SMAP1: variants seen among roughly 807,000 people sequenced by gnomAD.
SMAP1 encodes stromal membrane-associated protein 1.
A neutral mutation model predicts 58.5 loss-of-function variants in SMAP1; 24 were observed. The ratio of observed to expected loss-of-function variants is 0.41; its 90% CI spans 0.30 to 0.58. The LOEUF (loss-of-function observed/expected upper bound fraction) is 0.58. Ranked by LOEUF, SMAP1 falls within the 20% of genes least tolerant of loss-of-function variation. The probability of loss-of-function intolerance (pLI) is 0.29; values close to 1 mark genes in which losing one functional copy is unlikely to be tolerated. For synonymous variants in SMAP1, 216 were observed against 196.6 expected (o/e 1.10, Z -0.82); for missense variants, 563 against 566.3 (o/e 0.99, Z 0.06).
At chr6:70,762,255 T>G (rs1033638330) in intron 3 of SMAP1, among the ~76,000 whole-genome samples, 2 of 152,180 alleles carry the variant, frequency 1.3e-5, no homozygotes, top group Admixed American at 6.5e-5. Flanking sequence ...TGCCTGTTTT[T>G]GTAAATAAGG....
At chr6:70,693,298 CT>C (rs55693339) in intron 1 of SMAP1, among the ~76,000 whole-genome samples, 8,494 of 109,174 alleles carry the variant, frequency 0.078, 511 homozygotes, top group East Asian at 0.33. Context: ...ATGTCATCTT[CT>C]TTTTTTTTTT....
intron 6 of SMAP1, among the ~76,000 whole-genome samples, chr6:70,810,788 G>T (rs1316042313): frequency 6.6e-6 from 1 of 152,100 alleles, no homozygotes; most frequent in Non-Finnish European, 1.5e-5. Flanking sequence ...TGTTGACCAG[G>T]CCGGTCTTGA....
At chr6:70,809,933 C>T (rs534571661) in intron 6 of SMAP1, among the ~76,000 whole-genome samples, 4 of 152,198 alleles carry the variant, frequency 2.6e-5, no homozygotes, top group African/African-American at 4.8e-5. Flanking sequence ...AGTGTTGCTT[C>T]CCTGTTGCCC....
chr6:70,730,523 CT>C lies in SMAP1; in HGVS notation c.119-1854del, dbSNP rs1765389555. On this transcript the variant is annotated intron_variant, in intron 1 of 10. Coordinates refer to ENST00000370455, the MANE Select transcript of SMAP1 (RefSeq NM_001044305.3). ...AATGATGAGACAGAGTGGAAAGTAA[CT>C]GGGGGAGGCAGCTCTATCTAGAGTT... is the stretch of plus-strand genomic sequence containing the variant. Among the ~76,000 whole-genome samples, 6 of 152,286 alleles carry C rather than the reference CT, an allele frequency of 3.9e-5. No homozygotes were observed. In the South Asian group the frequency reaches 1.2e-3, roughly 32 times the overall value.
intron 6 of SMAP1, among the ~76,000 whole-genome samples, chr6:70,817,135 T>A (rs943959599): frequency 6.8e-6 from 1 of 146,148 alleles, no homozygotes; most frequent in Non-Finnish European, 1.5e-5. Flanking sequence ...TATATATATA[T>A]ATATTTTTTT....
At chr6:70,862,011 T>A, downstream of SMAP1, 1 of 1,542,202 alleles carries the variant, frequency 6.5e-7, no homozygotes, top group Non-Finnish European at 8.7e-7. Context: ...AAAGAGACTT[T>A]AAAATCCTGG....
rs78890610 is a variant in SMAP1, at chr6:70,725,987, C to T, written c.119-6391C>T. ...TCCCCCAGCCAGTATAAGGGAATTT[C>T]GTTTGGAATGATGGAATTACCATAG... On this transcript the variant is annotated intron_variant, in intron 1 of 10. Transcript: ENST00000370455. 1.7e-3 allele frequency among the ~76,000 whole-genome samples: 259 copies of T among 152,226 alleles called. 8 individuals are homozygous for T. In the East Asian group the frequency reaches 0.044, roughly 26 times the overall value.
At chr6:70,770,265 C>G (rs1245259981) in intron 3 of SMAP1, among the ~76,000 whole-genome samples, 1 of 151,840 alleles carries the variant, frequency 6.6e-6, no homozygotes, top group Non-Finnish European at 1.5e-5. Flanking sequence ...TTGTGGCATT[C>G]TCTGTATTTC....
At chr6:70,724,382 G>C (rs571054517) in intron 1 of SMAP1, among the ~76,000 whole-genome samples, 1 of 152,268 alleles carries the variant, frequency 6.6e-6, no homozygotes, top group African/African-American at 2.4e-5. Flanking sequence ...TTTTAGTAGA[G>C]AAGGGGTTTC....
chr6:70,754,545 G>A (rs1196797366), intron 2 of SMAP1, among the ~76,000 whole-genome samples: 3 of 152,014 alleles, frequency 2.0e-5, no homozygotes, highest in Non-Finnish European at 2.9e-5. Context: ...GGCCTTCATT[G>A]TGATCTTGAT....
At position 70,754,863 on chromosome 6, in the gene SMAP1, T is replaced by A. The variant is rs1373186961; in HGVS notation, c.253-117T>A. 1.3e-5 allele frequency: 7 copies of A among 526,064 alleles called. No individual in the cohort carries two copies. In the Admixed American group the frequency reaches 1.8e-4, roughly 13 times the overall value. 32.6% of individuals were successfully genotyped at this position (526,064 alleles called of 1,614,324 possible). On this transcript the variant is annotated intron_variant, in intron 2 of 10. Transcript: ENST00000370455. ...ATTTAAATTATATTTCTAAGGAGAA[T>A]ATATATTGGAAATAATAAATTATTT...
At chr6:70,844,481 C>G (rs935115582) in intron 7 of SMAP1, among the ~76,000 whole-genome samples, 1 of 152,128 alleles carries the variant, frequency 6.6e-6, no homozygotes, top group African/African-American at 2.4e-5. Flanking sequence ...GTAGATTTCC[C>G]TGCTGGCACA....
chr6:70,678,997 T>A (rs189646211), intron 1 of SMAP1, among the ~76,000 whole-genome samples: 40 of 152,132 alleles, frequency 2.6e-4, no homozygotes, highest in Non-Finnish European at 5.0e-4. Flanking sequence ...TGATAAAAAT[T>A]ATATATGGAA....
At chr6:70,684,655 C>T (rs1766859389) in intron 1 of SMAP1, among the ~76,000 whole-genome samples, 1 of 151,648 alleles carries the variant, frequency 6.6e-6, no homozygotes, top group African/African-American at 2.4e-5. Flanking sequence ...TTTATTAGTT[C>T]CTTAAAGAAC....
chr6:70,771,802 G>C (rs968734919), intron 3 of SMAP1, among the ~76,000 whole-genome samples: 4 of 152,112 alleles, frequency 2.6e-5, no homozygotes, highest in Non-Finnish European at 5.9e-5. Context: ...GATGAATCCG[G>C]TACCTCAGAT....
At chr6:70,842,787 A>G (rs1414065457) in intron 7 of SMAP1, among the ~76,000 whole-genome samples, 1 of 152,076 alleles carries the variant, frequency 6.6e-6, no homozygotes, top group African/African-American at 2.4e-5. Flanking sequence ...CGCCCTCATC[A>G]CAGCACTGGC....
At chr6:70,692,510 G>T (rs118135237) in intron 1 of SMAP1, among the ~76,000 whole-genome samples, 1 of 152,186 alleles carries the variant, frequency 6.6e-6, no homozygotes, top group Non-Finnish European at 1.5e-5. Context: ...TTTTGCCTGG[G>T]CAGAGTGTCC....
chr6:70,777,333 C>A (rs151030508), intron 4 of SMAP1, among the ~76,000 whole-genome samples: 2 of 152,176 alleles, frequency 1.3e-5, no homozygotes, highest in South Asian at 2.1e-4. Context: ...TGTTCCTATT[C>A]GGCCATCTTG....
rs766085867 is a variant in SMAP1 at position 70,836,970 on chromosome 6, TA to T, written c.613del (p.Ser205ValfsTer15). On this transcript the variant is annotated frameshift_variant, in exon 7 of 11. Transcript: ENST00000370455. LOFTEE classifies it high-confidence loss of function. Reference protein sequence around the residue: ...LQKKDQQLEPKKSTSPKKAAE... With the variant: ...LQKKDQQLEPXKSTSPKKAAE... ...AGAAGAAAGATCAGCAACTGGAGCC[TA>T]AAAAAAGTACCAGCCCTAAAAAAGC... is the stretch of plus-strand genomic sequence containing the variant. The T allele has an allele frequency of 7.5e-6, 12 of 1,601,094 alleles. No individual in the cohort carries two copies. Among genetic ancestry groups the T allele is most frequent in the African/African-American group, 4.0e-5 (3 of 74,284 alleles).
Sources: allele counts gnomAD v4.1 joint callset (sites outside exome capture counted in the v4.1 genomes callset), GRCh38; gene constraint gnomAD v4.1.1; transcripts MANE v1.5; gene names NCBI Gene and HGNC (gene_info 2026-07-23, HGNC 2026-07-21).